Variants in ZDHHC14 observed in about 807,000 individuals in gnomAD.
The protein encoded by ZDHHC14 is zDHHC palmitoyltransferase 14.
A neutral mutation model predicts 47.7 loss-of-function variants in ZDHHC14; 16 were observed. The observed-to-expected ratio is 0.34, with a 90% CI of 0.23 to 0.51. ZDHHC14 has a LOEUF of 0.51. ZDHHC14 is among the 20% of genes least tolerant of loss of function. The probability of loss-of-function intolerance (pLI) is 0.97; values close to 1 mark genes in which losing one functional copy is unlikely to be tolerated. For synonymous variants in ZDHHC14, 293 were observed against 278.9 expected (o/e 1.05, Z -0.50); for missense variants, 515 against 662.5 (o/e 0.78, Z 2.44).
Position 157,428,305 on chromosome 6 carries a change from A to G in ZDHHC14, c.245+46039A>G, listed in dbSNP as rs564818590. Among the ~76,000 whole-genome samples the G allele has an allele frequency of 6.6e-5, 10 of 152,178 alleles. No homozygotes were observed. The East Asian group carries it at 1.9e-3, about 29-fold the overall frequency. On this transcript the variant is annotated intron_variant, in intron 1 of 8. Transcript: ENST00000359775. ...CCTTGCCAGCTCCTCTGCCATAGAA[A>G]TCCTCTCAGGAAAGTGGACTGGATT...
intron 2 of ZDHHC14, among the ~76,000 whole-genome samples, chr6:157,556,712 G>A (rs1407814394): frequency 7.3e-6 from 1 of 136,824 alleles, no homozygotes; most frequent in Non-Finnish European, 1.6e-5. Context: ...TCAGAGCCGA[G>A]GCCCCGGGGC....
intron 7 of ZDHHC14, among the ~76,000 whole-genome samples, chr6:157,650,185 G>C (rs1031685723): frequency 6.6e-6 from 1 of 152,250 alleles, no homozygotes; most frequent in African/African-American, 2.4e-5. Flanking sequence ...AGGTGCGTGG[G>C]CCGCCCAAGA....
At chr6:157,657,587 A>T (rs184688076) in intron 8 of ZDHHC14, among the ~76,000 whole-genome samples, 137 of 152,336 alleles carry the variant, frequency 9.0e-4, no homozygotes, top group African/African-American at 3.1e-3. Context: ...CATGGACCCC[A>T]TGCTAAAGAA....
At chr6:157,533,912 C>A (rs546633319) in intron 1 of ZDHHC14, among the ~76,000 whole-genome samples, 1 of 152,264 alleles carries the variant, frequency 6.6e-6, no homozygotes, top group Admixed American at 6.5e-5. Context: ...AAATTGGTGT[C>A]TAATTAAGTC....
intron 1 of ZDHHC14, among the ~76,000 whole-genome samples, chr6:157,518,132 C>T (rs1264586860): frequency 3.9e-5 from 6 of 152,126 alleles, no homozygotes; most frequent in Non-Finnish European, 5.9e-5. Context: ...CCCATCCCTC[C>T]GTGGAAGGCC....
intron 7 of ZDHHC14, 83 bp downstream of exon 7, chr6:157,647,451 G>A: frequency 1.0e-6 from 1 of 1,004,432 alleles, no homozygotes. Context: ...GCCCGCCCTG[G>A]TGGAATGGGT....
intron 2 of ZDHHC14, among the ~76,000 whole-genome samples, chr6:157,566,301 C>T (rs1782899781): frequency 6.6e-6 from 1 of 152,174 alleles, no homozygotes; most frequent in South Asian, 2.1e-4. Context: ...TCCAGACTGT[C>T]ATTTGCCAGG....
At chr6:157,598,789 C>T (rs1262640167) in intron 3 of ZDHHC14, among the ~76,000 whole-genome samples, 5 of 152,130 alleles carry the variant, frequency 3.3e-5, no homozygotes, top group African/African-American at 9.7e-5. Context: ...TGTTGAACTT[C>T]GTTTTTACAA....
intron 3 of ZDHHC14, among the ~76,000 whole-genome samples, chr6:157,600,966 C>T (rs548297887): frequency 3.9e-5 from 6 of 152,338 alleles, no homozygotes; most frequent in African/African-American, 1.4e-4. Context: ...AGAGATGCCG[C>T]GCAGGAGGCC....
intron 1 of ZDHHC14, 61 bp downstream of exon 1, chr6:157,382,327 C>T: frequency 6.4e-7 from 1 of 1,567,686 alleles, no homozygotes; most frequent in Non-Finnish European, 8.6e-7. Context: ...GTCCCCCGCC[C>T]CTCCTCGGGC....
intron 1 of ZDHHC14, among the ~76,000 whole-genome samples, chr6:157,414,664 G>A (rs142990782): frequency 6.6e-6 from 1 of 152,228 alleles, no homozygotes; most frequent in Non-Finnish European, 1.5e-5. Flanking sequence ...GCCACCACTG[G>A]GCACAGGGAG....
chr6:157,526,247 A>G (rs1781147478), intron 1 of ZDHHC14, among the ~76,000 whole-genome samples: 1 of 152,234 alleles, frequency 6.6e-6, no homozygotes, highest in Admixed American at 6.5e-5. Flanking sequence ...CAACACTACA[A>G]TAAGACTATC....
At position 157,672,869 on chromosome 6, in the gene ZDHHC14, C is replaced by T; in HGVS notation, c.1214C>T (p.Thr405Ile). 6.2e-7 allele frequency: 1 copy of T among 1,608,812 alleles called. No homozygotes were observed. Among genetic ancestry groups the T allele is most frequent in the Non-Finnish European group, 8.5e-7 (1 of 1,178,440 alleles). ...PGLGTPCASL[T>I]LGPPTPPASM... ...CTGGGCACGCCCTGCGCCAGCCTCA[C>T]ACTGGGCCCGCCCACACCGCCCGCC... The change falls in exon 9 of 9, where the codon ACA becomes ATA. Residue 405 changes from threonine (T) to isoleucine (I), a missense_variant. Thr to Ile is a moderately conservative substitution (Grantham distance 89). This residue lies in a region of ZDHHC14 where 221 missense variants were observed against 233.6 expected (regional missense o/e 0.95). Coordinates refer to ENST00000359775, the MANE Select transcript of ZDHHC14 (RefSeq NM_024630.3).
intron 1 of ZDHHC14, among the ~76,000 whole-genome samples, chr6:157,474,215 G>A (rs1049996992): frequency 3.9e-5 from 6 of 152,032 alleles, no homozygotes; most frequent in Non-Finnish European, 7.4e-5. Context: ...GGTCTCGAAT[G>A]CCTGACCTCA....
At chr6:157,540,910 G>GTGTGTGTGTATATATATATATA (rs1284429244) in intron 1 of ZDHHC14, among the ~76,000 whole-genome samples, 22 of 122,968 alleles carry the variant, frequency 1.8e-4, no homozygotes, top group African/African-American at 8.2e-4. Context: ...GTGTGTGTGT[G>GTGTGTGTGTATATATATATATA]TATATATATA....
chr6:157,425,500 G>A (rs1028575103), intron 1 of ZDHHC14, among the ~76,000 whole-genome samples: 2 of 152,094 alleles, frequency 1.3e-5, no homozygotes, highest in East Asian at 1.9e-4. Flanking sequence ...CAATGATAGC[G>A]GACATTGTGT....
rs66974557 is a variant in ZDHHC14, at chr6:157,628,319, C to CTTTTT, written c.566-21_566-17dup. ...AAGACATTTTATTAATTGATTTCCA[C>CTTTTT]TTTTTTTTTTTTTCTGCCTCTCATT... On this transcript the variant is annotated intron_variant, in intron 3 of 8. Coordinates refer to ENST00000359775, the MANE Select transcript of ZDHHC14 (RefSeq NM_024630.3). The CTTTTT allele has an allele frequency of 1.0e-5, 15 of 1,440,172 alleles. No homozygotes were observed. The East Asian group carries it at 2.5e-4, about 24-fold the overall frequency. The allele number at this position is 1,440,172 out of a possible 1,614,324, so 89.2% of individuals were successfully genotyped here.
At chr6:157,660,390 A>C (rs1778299678) in intron 8 of ZDHHC14, among the ~76,000 whole-genome samples, 1 of 151,934 alleles carries the variant, frequency 6.6e-6, no homozygotes, top group African/African-American at 2.4e-5. Flanking sequence ...ATGGCATTTC[A>C]CCATGTTGGC....
At chr6:157,577,726 T>A (rs1163419014) in intron 2 of ZDHHC14, among the ~76,000 whole-genome samples, 1 of 152,196 alleles carries the variant, frequency 6.6e-6, no homozygotes, top group African/African-American at 2.4e-5. Flanking sequence ...ATTTTTGTAT[T>A]TTTAGTAGAG....
Sources: allele counts gnomAD v4.1 joint callset (sites outside exome capture counted in the v4.1 genomes callset), GRCh38; gene constraint gnomAD v4.1.1; regional missense constraint gnomAD v4.1.1; transcripts MANE v1.5; gene names NCBI Gene and HGNC (gene_info 2026-07-23, HGNC 2026-07-21).